The following SMARCA4 variants were observed in gnomAD, a reference collection of about 807,000 sequenced individuals.
SMARCA4 encodes the protein SWI/SNF related BAF chromatin remodeling complex subunit ATPase 4, also known as SWI/SNF-related matrix-associated actin-dependent regulator of chromatin subfamily A member 4.
SMARCA4 carries 31 observed loss-of-function variants against 193.9 expected under a neutral mutation model. The observed-to-expected ratio is 0.16, with a 90% CI of 0.12 to 0.22. SMARCA4 has a LOEUF of 0.22. Among genes scored for constraint, SMARCA4 ranks in the 10% least tolerant of loss-of-function variants. The pLI is 1.00. For synonymous variants in SMARCA4, 942 were observed against 933.1 expected, an observed-to-expected ratio of 1.01 and a Z score of -0.17; for missense variants, 1,148 against 2,296.0, an observed-to-expected ratio of 0.50 and a Z score of 10.22.
Position 11,058,646 on chromosome 19 carries a change from C to A in SMARCA4, c.4534-142C>A. 1 of 745,382 alleles carries A rather than the reference C, an allele frequency of 1.3e-6. No homozygotes were observed. The highest frequency in any genetic ancestry group is 2.0e-5 in the Admixed American group (1 of 49,868). 46.2% of individuals were successfully genotyped at this position (745,382 alleles called of 1,614,324 possible). ...TCATGCAGTTCCCATGCCTAGTGAGCCAGGTTACCGAGGCTGGCGCTTCGG... is the reference window on the plus strand; with the variant it reads ...TCATGCAGTTCCCATGCCTAGTGAGACAGGTTACCGAGGCTGGCGCTTCGG... On this transcript the variant is annotated intron_variant, in intron 31 of 34. Coordinates refer to ENST00000344626, the MANE Select transcript of SMARCA4 (RefSeq NM_003072.5). The surrounding 1 kb of genome is among the most constrained non-coding windows in gnomAD (Gnocchi z 5.8).
chr19:11,034,403 A>T lies in SMARCA4; in HGVS notation c.3951+203A>T, dbSNP rs939924601. 2.0e-5 allele frequency among the ~76,000 whole-genome samples: 3 copies of T among 152,136 alleles called. No individual in the cohort carries two copies. Among genetic ancestry groups the T allele is most frequent in the African/African-American group, 7.2e-5 (3 of 41,422 alleles). Reference sequence around the variant, plus strand: ...AGGATGGCATCGGAGGGCGAGATGCACACCCAGCCTTCTGCATGTGACCCG... The same window carrying T: ...AGGATGGCATCGGAGGGCGAGATGCTCACCCAGCCTTCTGCATGTGACCCG... On this transcript the variant is annotated intron_variant, in intron 28 of 34. Transcript: ENST00000344626. This position sits in a 1 kb window ranked among gnomAD's most constrained non-coding sequence, Gnocchi z 7.0.
chr19:11,023,202 T>C (rs925780258), intron 19 of SMARCA4, among the ~76,000 whole-genome samples: 1 of 152,162 alleles, frequency 6.6e-6, no homozygotes, highest in African/African-American at 2.4e-5. Flanking sequence ...CTCCAGTTTG[T>C]GTTACTCGTG....
intron 29 of SMARCA4, among the ~76,000 whole-genome samples, chr19:11,037,678 T>G (rs2075347540): frequency 6.6e-6 from 1 of 152,124 alleles, no homozygotes; most frequent in Non-Finnish European, 1.5e-5. Context: ...TGCCTTGGTG[T>G]TGTATCTGAG....
intron 1 of SMARCA4, among the ~76,000 whole-genome samples, chr19:10,969,971 G>A (rs577590237): frequency 6.6e-6 from 1 of 152,308 alleles, no homozygotes; most frequent in African/African-American, 2.4e-5. Context: ...CCCACCTGTG[G>A]CCGCACCCAC....
chr19:11,024,992 C>T (rs1272295706), intron 21 of SMARCA4, among the ~76,000 whole-genome samples: 2 of 150,540 alleles, frequency 1.3e-5, no homozygotes, highest in Admixed American at 6.6e-5. Flanking sequence ...CCCCCCGCCC[C>T]GCCCCCACCT....
chr19:11,019,533 C>T lies in SMARCA4; in HGVS notation c.2506-58C>T, dbSNP rs1025094657. The T allele has an allele frequency of 6.9e-6, 8 of 1,154,604 alleles. No individual in the cohort carries two copies. The African/African-American group carries it at 9.1e-5, about 13-fold the overall frequency. The allele number at this position is 1,154,604 out of a possible 1,614,324, so 71.5% of individuals were successfully genotyped here. A position where few individuals can be genotyped will look rare whatever the true frequency, so the allele number is the denominator to read the frequency against. ...AGTTGCAGGGGGTGCCTGTGCCCCT[C>T]TTGCCACCTGGCCACCCGGCTCCAA... On this transcript the variant is annotated intron_variant, in intron 17 of 34. Transcript: ENST00000344626. The surrounding 1 kb of genome is among the most constrained non-coding windows in gnomAD (Gnocchi z 6.1).
chr19:11,054,344 C>T (rs1201702850), intron 30 of SMARCA4, among the ~76,000 whole-genome samples: 3 of 152,210 alleles, frequency 2.0e-5, no homozygotes, highest in Admixed American at 2.0e-4. Flanking sequence ...CTGCTGCACT[C>T]GGCAACAGGG....
At chr19:10,989,874 T>C (rs2086404906) in intron 7 of SMARCA4, among the ~76,000 whole-genome samples, 1 of 152,028 alleles carries the variant, frequency 6.6e-6, no homozygotes, top group Non-Finnish European at 1.5e-5. Flanking sequence ...ATTTTTATAT[T>C]TTTAGTAGAG....
At chr19:11,038,009 C>T (rs181422548) in intron 29 of SMARCA4, among the ~76,000 whole-genome samples, 263 of 152,358 alleles carry the variant, frequency 1.7e-3, no homozygotes, top group Non-Finnish European at 2.9e-3. Flanking sequence ...TTCTGGCAGC[C>T]ATCTGTTGCC....
intron 1 of SMARCA4, among the ~76,000 whole-genome samples, chr19:10,981,378 C>T (rs1000184332): frequency 6.6e-6 from 1 of 152,234 alleles, no homozygotes; most frequent in Non-Finnish European, 1.5e-5. Flanking sequence ...GTAACATAAA[C>T]GCAAGGTTCA....
At position 11,058,947 on chromosome 19, in the gene SMARCA4, A is replaced by G. The variant is rs999814920; in HGVS notation, c.4635+58A>G. The G allele has an allele frequency of 1.2e-5, 16 of 1,327,016 alleles. No homozygotes were observed. The highest frequency in any genetic ancestry group is 3.6e-4 in the Middle Eastern group (2 of 5,560). 82.2% of individuals were successfully genotyped at this position (1,327,016 alleles called of 1,614,324 possible). A position where few individuals can be genotyped will look rare whatever the true frequency, so the allele number is the denominator to read the frequency against. ...ACTCCCACAGCTGGGCTTTGACCCA[A>G]CCCGCCCCTCCTTCCCTTCTGAATT... is the stretch of plus-strand genomic sequence containing the variant. On this transcript the variant is annotated intron_variant, in intron 32 of 34. Coordinates refer to ENST00000344626, the MANE Select transcript of SMARCA4 (RefSeq NM_003072.5). The surrounding 1 kb of genome is among the most constrained non-coding windows in gnomAD (Gnocchi z 5.8).
Position 10,992,984 on chromosome 19 carries a change from C to CTTTTT in SMARCA4, c.1419+1676_1419+1680dup, listed in dbSNP as rs758452838. On this transcript the variant is annotated intron_variant, in intron 8 of 34. Coordinates refer to ENST00000344626, the MANE Select transcript of SMARCA4 (RefSeq NM_003072.5). ...TTTTTAAATTTTTTCTAAAACTTTG[C>CTTTTT]TTTTTTTTTTTTTTTTTTTGAGTCA... Among the ~76,000 whole-genome samples, 147 of 109,316 alleles carry CTTTTT rather than the reference C, an allele frequency of 1.3e-3. 2 individuals are homozygous for CTTTTT. The highest frequency in any genetic ancestry group is 3.2e-3 in the African/African-American group (92 of 28,582). 71.7% of individuals were successfully genotyped at this position (109,316 alleles called of 152,430 possible). A position where few individuals can be genotyped will look rare whatever the true frequency, so the allele number is the denominator to read the frequency against.
At position 10,986,358 on chromosome 19, in the gene SMARCA4, C is replaced by T. The variant is rs2145777105; in HGVS notation, c.525C>T (p.Asn175=). 1 of 1,610,728 alleles carries T rather than the reference C, an allele frequency of 6.2e-7. No homozygotes were observed. The highest frequency in any genetic ancestry group is 8.5e-7 in the Non-Finnish European group (1 of 1,178,814). The change falls in exon 4 of 35, where the codon AAC becomes AAT. Residue 175 remains asparagine (N), a synonymous_variant. Transcript: ENST00000344626. The surrounding 1 kb of genome is among the most constrained non-coding windows in gnomAD (Gnocchi z 6.7). ...QNRGPTPFNQ[N]QLHQLRAQIM... is the part of the protein sequence containing the mutation. Reference sequence around the variant, plus strand: ...GGGGCCCAACCCCATTTAACCAGAACCAGCTGCACCAGCTCAGAGCTCAGA... The same window carrying T: ...GGGGCCCAACCCCATTTAACCAGAATCAGCTGCACCAGCTCAGAGCTCAGA...
chr19:10,966,895 G>GA (rs1009895436), intron 1 of SMARCA4, among the ~76,000 whole-genome samples: 107 of 122,030 alleles, frequency 8.8e-4, no homozygotes, highest in East Asian at 8.0e-4. Context: ...CTCTACAAAA[G>GA]AAAAAAAAAA....
At chr19:11,047,742 A>T (rs1157571871) in intron 30 of SMARCA4, 1 of 152,146 alleles carries the variant, frequency 6.6e-6, no homozygotes, top group Non-Finnish European at 1.5e-5. Context: ...ACTTGGTCAC[A>T]AAGACACAGC....
At chr19:11,040,591 CA>C (rs146891898) in intron 29 of SMARCA4, 34,158 of 96,080 alleles carry the variant, frequency 0.36, 3,985 homozygotes, top group South Asian at 0.48. Flanking sequence ...ACTCCGTCTC[CA>C]AAAAAAAAAA....
intron 22 of SMARCA4, 188 bp downstream of exon 22, chr19:11,025,696 G>A (rs1276302225): frequency 8.1e-6 from 5 of 614,924 alleles, no homozygotes; most frequent in Middle Eastern, 2.7e-4. Context: ...CAGTTAGGGC[G>A]CAACGTGCGA....
intron 30 of SMARCA4, among the ~76,000 whole-genome samples, chr19:11,043,881 C>A (rs1256847249): frequency 6.6e-6 from 1 of 152,066 alleles, no homozygotes; most frequent in African/African-American, 2.4e-5. Context: ...GGAGGCTGGG[C>A]ACGAGAATCG....
At chr19:11,055,091 G>A (rs531674266) in intron 30 of SMARCA4, among the ~76,000 whole-genome samples, 2 of 152,304 alleles carry the variant, frequency 1.3e-5, no homozygotes, top group South Asian at 2.1e-4. Flanking sequence ...GCACCAGAGC[G>A]GAATCCTCAG....
Sources: gnomAD v4.1 joint callset for allele counts (sites outside exome capture counted in the v4.1 genomes callset) on GRCh38, gnomAD v4.1.1 for gene constraint, Gnocchi (gnomAD v3.1) non-coding constraint, MANE v1.5 for transcripts, NCBI Gene and HGNC (gene_info 2026-07-23, HGNC 2026-07-21) for gene names.